PSMD14: variants seen among roughly 807,000 people sequenced by gnomAD.
The protein encoded by PSMD14 is proteasome 26S subunit, non-ATPase 14, also known as ubiquitin C-terminal hydrolase PSMD14.
A neutral mutation model predicts 41.2 loss-of-function variants in PSMD14; 7 were observed. The observed-to-expected ratio is 0.17, with a 90% CI of 0.10 to 0.32. The LOEUF is 0.32. Among genes scored for constraint, PSMD14 ranks in the 10% least tolerant of loss-of-function variants. PSMD14 has a pLI of 1.00. For synonymous variants in PSMD14, 114 were observed against 122.3 expected (o/e 0.93, Z 0.45); for missense variants, 139 against 375.6 (o/e 0.37, Z 5.21).
At chr2:161,314,059 A>T (rs569285999) in intron 1 of PSMD14, among the ~76,000 whole-genome samples, 1 of 152,194 alleles carries the variant, frequency 6.6e-6, no homozygotes, top group Admixed American at 6.5e-5. Context: ...TGAAGATAGG[A>T]TGGCCATCTT....
rs1157236773 is a variant in PSMD14, at chr2:161,408,942, T to A, written c.834+43T>A. On this transcript the variant is annotated intron_variant, in intron 11 of 11. Coordinates refer to ENST00000409682, the MANE Select transcript of PSMD14 (RefSeq NM_005805.6). ...TAAGTTATGCAGTTGCATAATAACA[T>A]GTTCTTATAGAGTTAAAACTGTTTT... The A allele has an allele frequency of 4.0e-6, 6 of 1,499,798 alleles. No individual in the cohort carries two copies. The South Asian group carries it at 7.1e-5, about 18-fold the overall frequency. The allele number at this position is 1,499,798 out of a possible 1,614,324, so 92.9% of individuals were successfully genotyped here. A position where few individuals can be genotyped will look rare whatever the true frequency, so the allele number is the denominator to read the frequency against.
At chr2:161,409,381 A>G (rs76713361) in intron 11 of PSMD14, among the ~76,000 whole-genome samples, 4,996 of 152,184 alleles carry the variant, frequency 0.033, 145 homozygotes, top group Non-Finnish European at 0.051. Flanking sequence ...TTTAGTCTCT[A>G]TTATCTGAGG....
In PSMD14 at chr2:161,391,643, G is replaced by A. The variant is rs534615581; in HGVS notation, c.645+465G>A. 1.1e-3 allele frequency among the ~76,000 whole-genome samples: 163 copies of A among 152,244 alleles called. 6 individuals are homozygous for A. In the South Asian group the frequency reaches 0.033, roughly 31 times the overall value. On this transcript the variant is annotated intron_variant, in intron 9 of 11. Coordinates refer to ENST00000409682, the MANE Select transcript of PSMD14 (RefSeq NM_005805.6). ...GTCTTGCTCTGTCTCCCAGACTAGA[G>A]TGCAATGGTGTGATCATGGCACACT...
At chr2:161,403,323 G>T (rs1341455711) in intron 10 of PSMD14, among the ~76,000 whole-genome samples, 2 of 152,086 alleles carry the variant, frequency 1.3e-5, no homozygotes, top group Non-Finnish European at 2.9e-5. Context: ...CAATTTATAT[G>T]AAAAAAACAG....
At chr2:161,337,934 A>T (rs1682892172) in intron 3 of PSMD14, among the ~76,000 whole-genome samples, 1 of 152,258 alleles carries the variant, frequency 6.6e-6, no homozygotes, top group Non-Finnish European at 1.5e-5. Context: ...TGTTACAAGA[A>T]TTATACTCTC....
intron 8 of PSMD14, among the ~76,000 whole-genome samples, chr2:161,388,079 T>C (rs1683656943): frequency 6.6e-6 from 1 of 152,080 alleles, no homozygotes; most frequent in Non-Finnish European, 1.5e-5. Flanking sequence ...AACTATTCCA[T>C]TATAAACTGT....
At chr2:161,342,781 C>CT (rs1215053536) in intron 3 of PSMD14, among the ~76,000 whole-genome samples, 14 of 151,942 alleles carry the variant, frequency 9.2e-5, no homozygotes, top group Admixed American at 3.9e-4. Flanking sequence ...TTTCCTTTCT[C>CT]TGACTCCTTT....
intron 10 of PSMD14, among the ~76,000 whole-genome samples, chr2:161,399,004 G>A (rs771208713): frequency 6.6e-6 from 1 of 151,844 alleles, no homozygotes; most frequent in Non-Finnish European, 1.5e-5. Context: ...TTATGTAGGT[G>A]GTAAACAGTT....
chr2:161,343,342 A>G (rs752834751), intron 3 of PSMD14, among the ~76,000 whole-genome samples: 20 of 152,242 alleles, frequency 1.3e-4, no homozygotes, highest in Non-Finnish European at 2.5e-4. Flanking sequence ...TGACTGGCCT[A>G]GCATAATGTC....
intron 3 of PSMD14, among the ~76,000 whole-genome samples, chr2:161,365,416 A>G (rs954107061): frequency 1.3e-5 from 2 of 152,158 alleles, no homozygotes; most frequent in African/African-American, 4.8e-5. Flanking sequence ...GGTTATATAT[A>G]TAATATTGAA....
intron 8 of PSMD14, among the ~76,000 whole-genome samples, chr2:161,388,628 C>G (rs1683665218): frequency 6.6e-6 from 1 of 152,046 alleles, no homozygotes; most frequent in African/African-American, 2.4e-5. Context: ...ATTCAAAAAG[C>G]TTCATTTTAG....
chr2:161,316,888 A>G (rs1343182783), intron 2 of PSMD14, among the ~76,000 whole-genome samples: 1 of 152,208 alleles, frequency 6.6e-6, no homozygotes, highest in Non-Finnish European at 1.5e-5. Context: ...TCACTCATAT[A>G]TATTCACAGC....
chr2:161,379,085 C>A (rs1683540702), intron 7 of PSMD14, among the ~76,000 whole-genome samples: 1 of 151,920 alleles, frequency 6.6e-6, no homozygotes, highest in African/African-American at 2.4e-5. Flanking sequence ...CAAAGTTGAG[C>A]CCATCTTTGT....
intron 3 of PSMD14, among the ~76,000 whole-genome samples, chr2:161,361,355 A>G (rs2105252964): frequency 6.6e-6 from 1 of 152,316 alleles, no homozygotes; most frequent in African/African-American, 2.4e-5. Flanking sequence ...GATAACCTGA[A>G]TTTATCAATA....
At chr2:161,409,269 G>T (rs1014804128) in intron 11 of PSMD14, among the ~76,000 whole-genome samples, 1 of 151,998 alleles carries the variant, frequency 6.6e-6, no homozygotes, top group African/African-American at 2.4e-5. Flanking sequence ...CAATATGTAG[G>T]TAATATTCCT....
In PSMD14 at chr2:161,321,672, G is replaced by A. The variant is rs1412476893; in HGVS notation, c.48+2799G>A. 5.3e-5 allele frequency among the ~76,000 whole-genome samples: 8 copies of A among 152,130 alleles called. No homozygotes were observed. In the East Asian group the frequency reaches 9.6e-4, roughly 18 times the overall value. On this transcript the variant is annotated intron_variant, in intron 3 of 11. Coordinates refer to ENST00000409682, the MANE Select transcript of PSMD14 (RefSeq NM_005805.6). ...TTTGGAGGTCCTCACAACCTCCTCA[G>A]GTTTGATAATTCACTAGAACAACTG...
chr2:161,317,831 T>C (rs553850453), intron 2 of PSMD14, among the ~76,000 whole-genome samples: 1 of 152,328 alleles, frequency 6.6e-6, no homozygotes, highest in South Asian at 2.1e-4. Flanking sequence ...AATACCATTT[T>C]CTTAAGCATA....
intron 3 of PSMD14, among the ~76,000 whole-genome samples, chr2:161,331,550 G>A (rs535041619): frequency 2.0e-5 from 3 of 152,062 alleles, no homozygotes; most frequent in Non-Finnish European, 1.5e-5. Flanking sequence ...GAGCCACCGC[G>A]CCTGGCCTCT....
chr2:161,381,621 T>TA (rs1268764328), intron 7 of PSMD14: 1 of 151,874 alleles, frequency 6.6e-6, no homozygotes, highest in Non-Finnish European at 1.5e-5. Flanking sequence ...TAGCAGTTGA[T>TA]ATGAAAACAC....
Sources: allele counts gnomAD v4.1 joint callset (sites outside exome capture counted in the v4.1 genomes callset), GRCh38; gene constraint gnomAD v4.1.1; transcripts MANE v1.5; gene names NCBI Gene and HGNC (gene_info 2026-07-23, HGNC 2026-07-21).